CHERP: variants seen among roughly 807,000 people sequenced by gnomAD.
CHERP encodes the protein calcium homeostasis endoplasmic reticulum protein, also known as ERPROT 213-21.
Under a neutral mutation model 113.8 loss-of-function variants are expected in CHERP, and 8 were observed. The ratio of observed to expected loss-of-function variants is 0.07; its 90% CI spans 0.04 to 0.13. CHERP has a LOEUF of 0.13. CHERP is among the 10% of genes least tolerant of loss of function. CHERP has a pLI of 1.00. For missense variants in CHERP, 884 were observed against 1,298.2 expected (o/e 0.68, Z 4.90); for synonymous variants, 559 against 524.5 (o/e 1.07, Z -0.90).
intron 5 of CHERP, among the ~76,000 whole-genome samples, chr19:16,531,540 CCCCTCAG>C (rs1208336226): frequency 6.6e-6 from 1 of 152,186 alleles, no homozygotes; most frequent in Non-Finnish European, 1.5e-5. Flanking sequence ...CAGCTGGAAG[CCCCTCAG>C]CCCTCAGCTT....
In CHERP at chr19:16,525,168, A is replaced by T; in HGVS notation, c.1741+74T>A. The T allele has an allele frequency of 7.7e-7, 1 of 1,304,194 alleles. No individual in the cohort carries two copies. Among genetic ancestry groups the T allele is most frequent in the Non-Finnish European group, 1.0e-6 (1 of 996,886 alleles). The allele number at this position is 1,304,194 out of a possible 1,614,324, so 80.8% of individuals were successfully genotyped here. A position where few individuals can be genotyped will look rare whatever the true frequency, so the allele number is the denominator to read the frequency against. On this transcript the variant is annotated intron_variant, in intron 10 of 16. Coordinates refer to ENST00000546361, the MANE Select transcript of CHERP (RefSeq NM_006387.6). The surrounding 1 kb of genome is among the most constrained non-coding windows in gnomAD (Gnocchi z 6.5). ...TCAGGAGCATGGCAGGGCCACAAGC[A>T]GCGCCACCAGCCTGCTCGGCAGGCG...
chr19:16,529,881 T>C lies in CHERP; in HGVS notation c.896A>G (p.Tyr299Cys), dbSNP rs917284577. 1 of 1,613,050 alleles carries C rather than the reference T, an allele frequency of 6.2e-7. No individual in the cohort carries two copies. The highest frequency in any genetic ancestry group is 8.5e-7 in the Non-Finnish European group (1 of 1,179,842). The part of the protein sequence containing the change: ...GQYQATLINE[Y>C]SSVVQPVQLA... ...CTGCACCGGCTGGACCACTGAGGAG[T>C]ACTCGTTGATGAGGGTGGCCTGAGA... Residue 299 changes from tyrosine to cysteine, a missense_variant, in exon 8 of 17, where the codon TAC (tyrosine) becomes TGC (cysteine). Around this residue, in one of 8 missense-constraint regions of CHERP, gnomAD observed 464 missense variants for 590.1 expected, o/e 0.79. Coordinates refer to ENST00000546361, the MANE Select transcript of CHERP (RefSeq NM_006387.6).
rs369884233 is a variant in CHERP, at chr19:16,530,775, G to A, written c.780C>T (p.Ile260=). The change falls in exon 6 of 17, where the codon ATC becomes ATT. Residue 260 remains isoleucine (I), a synonymous_variant. Transcript: ENST00000546361. The surrounding 1 kb of genome is among the most constrained non-coding windows in gnomAD (Gnocchi z 4.1). ...CGGCCCGGGGCCCACGCACCCGGGC[G>A]ATCTTCTGCTGCTTGTCTTCCTCCA... ...LAVEEDKQQK[I]ARLLQLWEKN... 6.8e-6 allele frequency: 11 copies of A among 1,613,850 alleles called. No homozygotes were observed. The highest frequency in any genetic ancestry group is 3.3e-5 in the South Asian group (3 of 91,090).
chr19:16,522,024 C>A lies in CHERP; in HGVS notation c.1981-370G>T, dbSNP rs535981408. 4.8e-4 allele frequency among the ~76,000 whole-genome samples: 73 copies of A among 152,256 alleles called. 1 individual carries two copies. The highest frequency in any genetic ancestry group is 8.1e-4 in the Non-Finnish European group (55 of 68,030). On this transcript the variant is annotated intron_variant, in intron 11 of 16. Coordinates refer to ENST00000546361, the MANE Select transcript of CHERP (RefSeq NM_006387.6). Reference sequence around the variant, plus strand: ...GCCTACCCTGGGCCCCCGCTCAGAACAGCCTCAGCCCCGGCCCTGGAGCCC... The same window carrying A: ...GCCTACCCTGGGCCCCCGCTCAGAAAAGCCTCAGCCCCGGCCCTGGAGCCC...
chr19:16,535,474 T>C lies in CHERP; in HGVS notation c.362A>G (p.Gln121Arg). The C allele has an allele frequency of 6.2e-7, 1 of 1,609,480 alleles. No individual in the cohort carries two copies. The highest frequency in any genetic ancestry group is 1.1e-5 in the South Asian group (1 of 90,148). The change falls in exon 3 of 17, where the codon CAG becomes CGG. Residue 121 changes from glutamine to arginine, a missense_variant. Coordinates refer to ENST00000546361, the MANE Select transcript of CHERP (RefSeq NM_006387.6). The surrounding 1 kb of genome is among the most constrained non-coding windows in gnomAD (Gnocchi z 4.3). ...TACCTGTCTGAGCGCCAGCAAGTGC[T>C]GCTCCTGCTGCTGGAGGTTCCACTG... ...QSQWNLQQQE[Q>R]HLLALRQEQV...
intron 9 of CHERP, among the ~76,000 whole-genome samples, chr19:16,526,792 C>T (rs964684614): frequency 6.6e-6 from 1 of 152,146 alleles, no homozygotes; most frequent in Admixed American, 6.5e-5. Context: ...GAGACAAGGT[C>T]TCACTCTGTC....
chr19:16,542,246 G>A, intron 1 of CHERP, 108 bp downstream of exon 1: 4 of 1,161,512 alleles, frequency 3.4e-6, no homozygotes, highest in Non-Finnish European at 4.6e-6. Context: ...GCGAAGCCGC[G>A]AGGCCGAGCC....
Position 16,518,929 on chromosome 19 carries a change from G to C in CHERP, c.*230C>G. 1 of 563,924 alleles carries C rather than the reference G, an allele frequency of 1.8e-6. No individual in the cohort carries two copies. Among genetic ancestry groups the C allele is most frequent in the East Asian group, 3.1e-5 (1 of 32,346 alleles). 34.9% of individuals were successfully genotyped at this position (563,924 alleles called of 1,614,324 possible). On this transcript the variant is annotated 3_prime_UTR_variant, in exon 17 of 17. Coordinates refer to ENST00000546361, the MANE Select transcript of CHERP (RefSeq NM_006387.6). ...AAAGGAAAACGAGCCTGGGGCCCTG[G>C]TGGCTGCAGCGCCTCCTGGTGTGGT...
intron 11 of CHERP, among the ~76,000 whole-genome samples, chr19:16,521,909 G>C (rs1294138987): frequency 3.9e-5 from 6 of 152,210 alleles, no homozygotes. Context: ...TCACCCACAG[G>C]GGACATGGTC....
intron 2 of CHERP, among the ~76,000 whole-genome samples, chr19:16,538,004 C>G (rs961546124): frequency 1.3e-5 from 2 of 152,210 alleles, no homozygotes; most frequent in African/African-American, 4.8e-5. Context: ...AAGCTCCATT[C>G]TACAACAGTT....
chr19:16,521,481 C>G (rs1317324804), intron 12 of CHERP, 40 bp downstream of exon 12: 1 of 1,507,434 alleles, frequency 6.6e-7, no homozygotes, highest in African/African-American at 1.4e-5. Flanking sequence ...GGAGAGGGGA[C>G]AGAGGCCTCC....
At chr19:16,536,299 G>A (rs1029486706) in intron 2 of CHERP, among the ~76,000 whole-genome samples, 1 of 152,168 alleles carries the variant, frequency 6.6e-6, no homozygotes, top group African/African-American at 2.4e-5. Context: ...CAGGGTGGGC[G>A]CAGGTCCCAA....
chr19:16,526,448 T>C (rs1350841004), intron 9 of CHERP, among the ~76,000 whole-genome samples: 2 of 152,182 alleles, frequency 1.3e-5, no homozygotes, highest in Non-Finnish European at 2.9e-5. Flanking sequence ...GAGCCAGATA[T>C]TAAATATCAG....
At chr19:16,533,970 C>G (rs936191211) in intron 3 of CHERP, among the ~76,000 whole-genome samples, 1 of 151,956 alleles carries the variant, frequency 6.6e-6, no homozygotes. Flanking sequence ...TGCGGACCAG[C>G]GGTCAGTTAC....
At position 16,535,365 on chromosome 19, in the gene CHERP, ACCT is replaced by A; in HGVS notation, c.384+84_384+86del. The A allele has an allele frequency of 7.0e-7, 1 of 1,421,432 alleles. No homozygotes were observed. Among genetic ancestry groups the A allele is most frequent in the Middle Eastern group, 2.2e-4 (1 of 4,624 alleles). The allele number at this position is 1,421,432 out of a possible 1,614,324, so 88.1% of individuals were successfully genotyped here. A position where few individuals can be genotyped will look rare whatever the true frequency, so the allele number is the denominator to read the frequency against. On this transcript the variant is annotated intron_variant, in intron 3 of 16. Coordinates refer to ENST00000546361, the MANE Select transcript of CHERP (RefSeq NM_006387.6). This position sits in a 1 kb window ranked among gnomAD's most constrained non-coding sequence, Gnocchi z 4.3. ...CAGGGGGGGCCCTGTCCTCACTGACACCTGTTATTCATTCTGATGAGCAGACGC... is the reference window on the plus strand; with the variant it reads ...CAGGGGGGGCCCTGTCCTCACTGACAGTTATTCATTCTGATGAGCAGACGC...
At chr19:16,542,131 C>A in intron 1 of CHERP, 88 bp from the exon 2 acceptor site, 1 of 1,438,832 alleles carries the variant, frequency 7.0e-7, no homozygotes, top group Admixed American at 2.5e-5. Context: ...GTCCGCCTTG[C>A]CGGGGACCCC....
At chr19:16,538,838 C>A (rs1473153109) in intron 2 of CHERP, among the ~76,000 whole-genome samples, 1 of 151,810 alleles carries the variant, frequency 6.6e-6, no homozygotes, top group Non-Finnish European at 1.5e-5. Flanking sequence ...AGCCAAAGCA[C>A]CGTCTGAGGT....
At position 16,530,732 on chromosome 19, in the gene CHERP, C is replaced by T. The variant is rs762835234; in HGVS notation, c.786+37G>A. 9.3e-5 allele frequency: 150 copies of T among 1,613,866 alleles called. No homozygotes were observed. Among genetic ancestry groups the T allele is most frequent in the Non-Finnish European group, 1.3e-4 (149 of 1,179,940 alleles). On this transcript the variant is annotated intron_variant, in intron 6 of 16. Coordinates refer to ENST00000546361, the MANE Select transcript of CHERP (RefSeq NM_006387.6). The surrounding 1 kb of genome is among the most constrained non-coding windows in gnomAD (Gnocchi z 4.1). ...TGGGGAGGGGAAAGGCCTGTGTGTC[C>T]CGGTCTTGCCCAACCCCCGGCCCGG...
intron 2 of CHERP, 178 bp downstream of exon 2, chr19:16,541,692 C>T (rs1255656999): frequency 2.9e-5 from 18 of 625,974 alleles, no homozygotes; most frequent in Admixed American, 5.8e-5. Context: ...ATTACAGTGG[C>T]ACCCAGCAGC....
Sources: allele counts gnomAD v4.1 joint callset (sites outside exome capture counted in the v4.1 genomes callset), GRCh38; gene constraint gnomAD v4.1.1; regional missense constraint gnomAD v4.1.1; non-coding constraint Gnocchi (gnomAD v3.1); transcripts MANE v1.5; gene names NCBI Gene and HGNC (gene_info 2026-07-23, HGNC 2026-07-21).